IL7: variants seen among roughly 807,000 people sequenced by gnomAD.
IL7 encodes interleukin-7.
IL7 carries 3 observed loss-of-function variants against 21.6 expected under a neutral mutation model. The observed-to-expected ratio is 0.14, with a 90% CI of 0.06 to 0.36. The LOEUF is 0.36. IL7 is among the 10% of genes least tolerant of loss of function. IL7 has a pLI of 1.00. For missense variants in IL7, 175 were observed against 200.2 expected (o/e 0.87, Z 0.76); for synonymous variants, 62 against 68.1 (o/e 0.91, Z 0.44).
chr8:78,719,044 C>G (rs1026844527), exon 6 of IL7: 1 of 151,568 alleles, frequency 6.6e-6, no homozygotes, highest in African/African-American at 2.4e-5. Context: ...TTTTTTTCCC[C>G]TCAGTTATCT....
chr8:78,748,405 A>C (rs1356568723), intron 2 of IL7, among the ~76,000 whole-genome samples: 2 of 152,220 alleles, frequency 1.3e-5, no homozygotes, highest in African/African-American at 4.8e-5. Flanking sequence ...AGAAATAAGC[A>C]AATTTAATGT....
At chr8:78,698,584 T>C in intron 3 of IL7, 1 of 1,180,676 alleles carries the variant, frequency 8.5e-7, no homozygotes, top group Non-Finnish European at 1.2e-6. Context: ...TATGTTTTGA[T>C]AATTGCTTTT....
chr8:78,696,282 C>T (rs1463989084), intron 3 of IL7, among the ~76,000 whole-genome samples: 1 of 152,174 alleles, frequency 6.6e-6, no homozygotes, highest in African/African-American at 2.4e-5. Context: ...GATCCACCTG[C>T]CTCGGCCTTC....
intron 4 of IL7, chr8:78,679,240 A>T (rs1809684949): frequency 6.6e-6 from 1 of 152,154 alleles, no homozygotes; most frequent in African/African-American, 2.4e-5. Flanking sequence ...AAAGCAATGA[A>T]TCTATTGTGA....
chr8:78,784,274 T>C (rs1038060011), intron 2 of IL7, among the ~76,000 whole-genome samples: 7 of 152,152 alleles, frequency 4.6e-5, no homozygotes, highest in African/African-American at 1.7e-4. Context: ...TATGAGAAGC[T>C]GGTAGTCCAC....
At chr8:78,762,018 C>G (rs755527343) in intron 2 of IL7, 2 of 1,601,764 alleles carry the variant, frequency 1.2e-6, no homozygotes, top group East Asian at 2.2e-5. Context: ...GGGTTCTGAG[C>G]ATTGCTATTG....
chr8:78,762,138 T>C, intron 2 of IL7: 1 of 1,597,100 alleles, frequency 6.3e-7, no homozygotes, highest in Admixed American at 1.7e-5. Context: ...CTGTGTCTAC[T>C]ATGTGGGTTG....
chr8:78,795,619 T>TAA (rs1813828628), intron 2 of IL7, among the ~76,000 whole-genome samples: 1 of 152,094 alleles, frequency 6.6e-6, no homozygotes, highest in Non-Finnish European at 1.5e-5. Flanking sequence ...AATAGCATAT[T>TAA]ATTTTGCACT....
Position 78,801,587 on chromosome 8 carries a change from C to G in IL7, c.10+3326G>C, listed in dbSNP as rs148622777. Among the ~76,000 whole-genome samples, 732 of 152,260 alleles carry G rather than the reference C, an allele frequency of 4.8e-3. 5 individuals carry two copies. The highest frequency in any genetic ancestry group is 0.041 in the Middle Eastern group (12 of 294). ...CCTAGGCTGAGTAGTCAAGTCAAAA[C>G]TTGAGACTTTTGACTTGCCAAGACA... On this transcript the variant is annotated intron_variant, in intron 1 of 5. Transcript: ENST00000263851.
At chr8:78,723,426 T>G (rs1176014332) in intron 3 of IL7, among the ~76,000 whole-genome samples, 1 of 152,006 alleles carries the variant, frequency 6.6e-6, no homozygotes, top group East Asian at 1.9e-4. Flanking sequence ...GTACTTAAGC[T>G]GAAGCTCAAC....
Position 78,732,917 on chromosome 8 carries a change from A to G in IL7, c.*796T>C, listed in dbSNP as rs1050266182. 6 of 151,692 alleles carry G rather than the reference A, an allele frequency of 4.0e-5. No individual in the cohort carries two copies. Among genetic ancestry groups the G allele is most frequent in the Admixed American group, 2.0e-4 (3 of 15,196 alleles). The allele number at this position is 151,692 out of a possible 1,614,324, so 9.4% of individuals were successfully genotyped here. ...ATTAATTAAAAGGTAAACATATATT[A>G]TTATCTTAAAAATATATCTCCCAAA... On this transcript the variant is annotated 3_prime_UTR_variant, in exon 6 of 6. Coordinates refer to ENST00000263851, the MANE Select transcript of IL7 (RefSeq NM_000880.4).
intron 3 of IL7, among the ~76,000 whole-genome samples, chr8:78,707,920 G>A (rs1458742674): frequency 6.7e-6 from 1 of 150,138 alleles, no homozygotes; most frequent in African/African-American, 2.5e-5. Flanking sequence ...TAAGCTCCAT[G>A]ATGGCAAAGA....
At chr8:78,697,199 A>G (rs1252549252) in intron 3 of IL7, among the ~76,000 whole-genome samples, 2 of 152,144 alleles carry the variant, frequency 1.3e-5, no homozygotes, top group Non-Finnish European at 2.9e-5. Flanking sequence ...TACCATCTTA[A>G]TCGTTTTTAA....
chr8:78,679,870 G>A (rs1462400127), intron 4 of IL7, among the ~76,000 whole-genome samples: 2 of 152,144 alleles, frequency 1.3e-5, no homozygotes, highest in Non-Finnish European at 1.5e-5. Context: ...TGAATAAGCT[G>A]TATAAATCAA....
At chr8:78,803,562 T>C (rs1251107382) in intron 1 of IL7, among the ~76,000 whole-genome samples, 2 of 152,222 alleles carry the variant, frequency 1.3e-5, no homozygotes, top group African/African-American at 2.4e-5. Flanking sequence ...TGAAAACTTA[T>C]AGCCCATGAT....
At chr8:78,688,916 A>G (rs186636114) in intron 3 of IL7, among the ~76,000 whole-genome samples, 14 of 152,236 alleles carry the variant, frequency 9.2e-5, no homozygotes, top group Admixed American at 2.6e-4. Context: ...TAAAGGCAAA[A>G]AAGAAATAAC....
At chr8:78,711,997 G>A (rs1442092378) in intron 3 of IL7, 5 of 1,289,198 alleles carry the variant, frequency 3.9e-6, no homozygotes, top group Non-Finnish European at 5.1e-6. Flanking sequence ...TAGTAATATG[G>A]ACAAGTTAGG....
At chr8:78,718,924 T>G (rs559276240) in intron 6 of IL7, 1 of 151,886 alleles carries the variant, frequency 6.6e-6, no homozygotes, top group East Asian at 1.9e-4. Context: ...TAAAGAATTG[T>G]GGCTTATAAT....
At chr8:78,766,428 A>G (rs1586084465) in intron 2 of IL7, among the ~76,000 whole-genome samples, 1 of 152,134 alleles carries the variant, frequency 6.6e-6, no homozygotes, top group South Asian at 2.1e-4. Flanking sequence ...CAAGGAGTAT[A>G]TGAGACCTCT....
Sources: allele counts gnomAD v4.1 joint callset (sites outside exome capture counted in the v4.1 genomes callset), GRCh38; gene constraint gnomAD v4.1.1; transcripts MANE v1.5; gene names NCBI Gene and HGNC (gene_info 2026-07-23, HGNC 2026-07-21).